The following MARCHF1 variants were observed in gnomAD, a reference collection of about 807,000 sequenced individuals.
The protein encoded by MARCHF1 is E3 ubiquitin-protein ligase MARCHF1.
MARCHF1 carries 40 observed loss-of-function variants against 54.2 expected under a neutral mutation model. The ratio of observed to expected loss-of-function variants is 0.74; its 90% CI spans 0.57 to 0.96. MARCHF1 has a LOEUF of 0.96. Ranked by LOEUF, MARCHF1 falls within the 40% of genes least tolerant of loss-of-function variation. The probability of loss-of-function intolerance (pLI) is 0.00; values close to 1 mark genes in which losing one functional copy is unlikely to be tolerated. For missense variants in MARCHF1, 586 were observed against 656.5 expected (o/e 0.89, Z 1.17); for synonymous variants, 236 against 236.3 (o/e 1.00, Z 0.01).
At chr4:163,543,824 AT>A in intron 9 of MARCHF1, among the ~76,000 whole-genome samples, 1 of 152,216 alleles carries the variant, frequency 6.6e-6, no homozygotes, top group Non-Finnish European at 1.5e-5. Flanking sequence ...CTCTTCTTAC[AT>A]CTACGAGAAG....
intron 1 of MARCHF1, among the ~76,000 whole-genome samples, chr4:164,174,395 C>A (rs1301178661): frequency 6.6e-6 from 1 of 152,176 alleles, no homozygotes; most frequent in Admixed American, 6.5e-5. Context: ...CTTCCTTCTG[C>A]CCTTTCTAAA....
At chr4:164,277,386 A>T (rs1327073312) in intron 1 of MARCHF1, among the ~76,000 whole-genome samples, 2 of 152,232 alleles carry the variant, frequency 1.3e-5, no homozygotes, top group Non-Finnish European at 2.9e-5. Flanking sequence ...CTTAAAGAGA[A>T]ATTCTACAAT....
chr4:164,224,474 CTACCT>C (rs922938372), intron 1 of MARCHF1, among the ~76,000 whole-genome samples: 92 of 151,858 alleles, frequency 6.1e-4, no homozygotes, highest in African/African-American at 2.1e-3. Context: ...ACCCAAACTC[CTACCT>C]TGTCTTTCAT....
chr4:164,129,238 T>A (rs2110809204), intron 1 of MARCHF1, among the ~76,000 whole-genome samples: 1 of 152,290 alleles, frequency 6.6e-6, no homozygotes, highest in South Asian at 2.1e-4. Flanking sequence ...AAGAAGGAAT[T>A]TTCATCACCT....
chr4:163,980,734 T>C (rs774568395), intron 3 of MARCHF1, among the ~76,000 whole-genome samples: 1 of 152,208 alleles, frequency 6.6e-6, no homozygotes, highest in African/African-American at 2.4e-5. Flanking sequence ...TAGTTTCACA[T>C]AGTAAATGGT....
chr4:163,750,023 C>T (rs944671306), intron 4 of MARCHF1, among the ~76,000 whole-genome samples: 3 of 151,558 alleles, frequency 2.0e-5, no homozygotes, highest in Non-Finnish European at 2.9e-5. Flanking sequence ...GAGCTGAGAT[C>T]GTGCCATTGC....
intron 1 of MARCHF1, among the ~76,000 whole-genome samples, chr4:164,357,587 T>C (rs187813332): frequency 9.0e-4 from 137 of 152,282 alleles, no homozygotes; most frequent in African/African-American, 3.1e-3. Context: ...ACCACACCCA[T>C]GTAAGATAAT....
chr4:164,257,288 T>C (rs1206357177), intron 1 of MARCHF1, among the ~76,000 whole-genome samples: 4 of 152,146 alleles, frequency 2.6e-5, no homozygotes, highest in Admixed American at 2.0e-4. Flanking sequence ...ACCTTTAATT[T>C]TATCTTAATT....
At chr4:163,637,203 A>C (rs1024195716) in intron 5 of MARCHF1, among the ~76,000 whole-genome samples, 1 of 152,146 alleles carries the variant, frequency 6.6e-6, no homozygotes, top group Non-Finnish European at 1.5e-5. Context: ...CTTCTTGTCT[A>C]AAACACCAAA....
intron 1 of MARCHF1, among the ~76,000 whole-genome samples, chr4:164,149,448 AC>A (rs1374879815): frequency 1.3e-5 from 2 of 152,214 alleles, no homozygotes; most frequent in Admixed American, 6.5e-5. Context: ...GAGTAAGAAG[AC>A]GTTTAAATGG....
At chr4:164,045,812 T>C (rs1236744242) in intron 2 of MARCHF1, among the ~76,000 whole-genome samples, 3 of 152,010 alleles carry the variant, frequency 2.0e-5, no homozygotes, top group Non-Finnish European at 4.4e-5. Context: ...CTTTTAACTA[T>C]TTAATAGTTA....
intron 3 of MARCHF1, among the ~76,000 whole-genome samples, chr4:163,889,701 C>A (rs1030415477): frequency 3.9e-5 from 6 of 151,950 alleles, no homozygotes; most frequent in African/African-American, 1.4e-4. Flanking sequence ...TGACTCGATC[C>A]TATTTCCCTT....
chr4:163,776,952 C>T (rs1342751266), intron 4 of MARCHF1, among the ~76,000 whole-genome samples: 2 of 152,130 alleles, frequency 1.3e-5, no homozygotes, highest in Non-Finnish European at 2.9e-5. Flanking sequence ...TGCCTTTGTA[C>T]TCCCTTTACA....
At chr4:163,862,899 C>G (rs1338646614) in intron 3 of MARCHF1, among the ~76,000 whole-genome samples, 1 of 151,968 alleles carries the variant, frequency 6.6e-6, no homozygotes, top group Non-Finnish European at 1.5e-5. Context: ...AATTACCTAT[C>G]AAACCATAAA....
At chr4:163,603,691 CA>C (rs1201391452) in intron 7 of MARCHF1, among the ~76,000 whole-genome samples, 1 of 152,076 alleles carries the variant, frequency 6.6e-6, no homozygotes, top group Non-Finnish European at 1.5e-5. Context: ...AGAAGGCCAT[CA>C]AATGGAAACT....
intron 3 of MARCHF1, among the ~76,000 whole-genome samples, chr4:163,865,346 TA>T: frequency 6.6e-6 from 1 of 151,956 alleles, no homozygotes; most frequent in African/African-American, 2.4e-5. Flanking sequence ...GACACAACAG[TA>T]AGTTTATTTT....
chr4:163,883,695 A>T (rs888186625), intron 3 of MARCHF1, among the ~76,000 whole-genome samples: 1 of 152,186 alleles, frequency 6.6e-6, no homozygotes, highest in African/African-American at 2.4e-5. Context: ...CAAATGTTGC[A>T]TGGGGCATAC....
chr4:163,996,513 A>C (rs992665457), intron 2 of MARCHF1, among the ~76,000 whole-genome samples: 5 of 152,076 alleles, frequency 3.3e-5, no homozygotes, highest in African/African-American at 7.2e-5. Flanking sequence ...TGTTCTTGGA[A>C]GAATAAAGAT....
At chr4:163,657,994 A>G (rs887457163) in intron 5 of MARCHF1, among the ~76,000 whole-genome samples, 1 of 146,476 alleles carries the variant, frequency 6.8e-6, no homozygotes, top group African/African-American at 2.6e-5. Flanking sequence ...TTCAGGACAT[A>G]GGCACAGGCA....
Sources: allele counts gnomAD v4.1 joint callset (sites outside exome capture counted in the v4.1 genomes callset), GRCh38; gene constraint gnomAD v4.1.1; transcripts MANE v1.5; gene names NCBI Gene and HGNC (gene_info 2026-07-23, HGNC 2026-07-21).